The following ATP2C2 variants were observed in gnomAD, a reference collection of about 807,000 sequenced individuals.
ATP2C2 encodes the protein ATPase secretory pathway Ca2+ transporting 2.
Under a neutral mutation model 110.8 loss-of-function variants are expected in ATP2C2, and 171 were observed. That is an observed-to-expected ratio of 1.54 (90% CI 1.36 to 1.75). The LOEUF is 1.75. Ranked by LOEUF, ATP2C2 falls within the 40% of genes most tolerant of loss-of-function variation. The pLI, the probability that ATP2C2 is intolerant of heterozygous loss-of-function variation, is 0.00. For synonymous variants in ATP2C2, 804 were observed against 508.4 expected (o/e 1.58, Z -7.82); for missense variants, 1,963 against 1,235.0 (o/e 1.59, Z -8.84).
intron 23 of ATP2C2, 37 bp downstream of exon 23, chr16:84,459,423 A>G (rs539058401): frequency 1.2e-6 from 2 of 1,608,674 alleles, no homozygotes; most frequent in Admixed American, 1.7e-5. Flanking sequence ...GTGTCTCTTT[A>G]CCCACCTGCG....
At chr16:84,425,708 A>T (rs542664075) in intron 10 of ATP2C2, 27 bp from the exon 11 acceptor site, 33 of 1,611,048 alleles carry the variant, frequency 2.0e-5, no homozygotes, top group East Asian at 1.3e-4. Context: ...GCATATGGAG[A>T]TAAGGATGTT....
chr16:84,413,281 A>G (rs995758146), intron 6 of ATP2C2, among the ~76,000 whole-genome samples: 3 of 152,252 alleles, frequency 2.0e-5, no homozygotes, highest in South Asian at 4.1e-4. Context: ...CAACTGAGCC[A>G]TGGGGCTAGG....
Position 84,463,808 on chromosome 16 carries a change from C to A in ATP2C2, c.*76C>A. The A allele has an allele frequency of 7.7e-7, 1 of 1,307,006 alleles. No homozygotes were observed. The highest frequency in any genetic ancestry group is 1.1e-6 in the Non-Finnish European group (1 of 907,576). 81.0% of individuals were successfully genotyped at this position (1,307,006 alleles called of 1,614,324 possible). On this transcript the variant is annotated 3_prime_UTR_variant, in exon 27 of 27. Transcript: ENST00000262429. ...TGTGGCCCCTGCCGTGTCTCCTCGT[C>A]AGGGGAGACTTTTAGGAGGCCGCAG...
intron 1 of ATP2C2, among the ~76,000 whole-genome samples, chr16:84,373,616 G>A (rs978176760): frequency 6.6e-6 from 1 of 152,184 alleles, no homozygotes; most frequent in African/African-American, 2.4e-5. Flanking sequence ...TCTAGGTCCA[G>A]TCTACACTCA....
intron 7 of ATP2C2, among the ~76,000 whole-genome samples, 158 bp downstream of exon 7, chr16:84,415,749 G>A (rs1038510875): frequency 3.3e-5 from 5 of 152,310 alleles, no homozygotes; most frequent in East Asian, 1.9e-4. Flanking sequence ...GCAGACAAGC[G>A]TGTTCTACGC....
intron 24 of ATP2C2, chr16:84,461,089 CCT>C (rs770187903): frequency 4.5e-5 from 19 of 422,164 alleles, no homozygotes; most frequent in Non-Finnish European, 7.6e-5. Flanking sequence ...CAGGCTGCCC[CCT>C]GTTCCCTTGT....
intron 2 of ATP2C2, among the ~76,000 whole-genome samples, chr16:84,403,565 C>G (rs1269985887): frequency 6.6e-6 from 1 of 152,194 alleles, no homozygotes; most frequent in African/African-American, 2.4e-5. Flanking sequence ...ACCTCAACCT[C>G]CTGAAGTTTT....
intron 1 of ATP2C2, among the ~76,000 whole-genome samples, chr16:84,379,192 T>G (rs1375439055): frequency 6.7e-6 from 1 of 148,994 alleles, no homozygotes; most frequent in South Asian, 2.3e-4. Context: ...GTCGTTTCCT[T>G]TCCTTTCCTG....
At chr16:84,383,402 A>G (rs1183461071) in intron 1 of ATP2C2, among the ~76,000 whole-genome samples, 1 of 152,250 alleles carries the variant, frequency 6.6e-6, no homozygotes, top group African/African-American at 2.4e-5. Flanking sequence ...TTGGTGAGAT[A>G]GAGGAGTGAA....
At chr16:84,433,804 A>C (rs1597827818) in intron 11 of ATP2C2, among the ~76,000 whole-genome samples, 1 of 152,290 alleles carries the variant, frequency 6.6e-6, no homozygotes, top group East Asian at 1.9e-4. Context: ...AGAAAAAGCA[A>C]AAAAGGCTTC....
chr16:84,369,093 T>C (rs889192285), intron 1 of ATP2C2, among the ~76,000 whole-genome samples: 2 of 152,202 alleles, frequency 1.3e-5, no homozygotes, highest in Non-Finnish European at 2.9e-5. Flanking sequence ...AAAACTTAAA[T>C]TGGAAAATAA....
At chr16:84,430,400 GGACACTGAGGCA>G (rs145940979) in intron 11 of ATP2C2, among the ~76,000 whole-genome samples, 55,202 of 151,796 alleles carry the variant, frequency 0.36, 10,196 homozygotes, top group Non-Finnish European at 0.39. Context: ...CAGCACTTTT[GGACACTGAGGCA>G]GACGGATCAC....
chr16:84,451,847 A>C, intron 17 of ATP2C2, 74 bp from the exon 18 acceptor site: 1 of 1,428,192 alleles, frequency 7.0e-7, no homozygotes, highest in African/African-American at 1.4e-5. Context: ...AAAAAACAAC[A>C]ACAACAACCA....
intron 1 of ATP2C2, among the ~76,000 whole-genome samples, chr16:84,379,175 C>A (rs376560281): frequency 2.0e-5 from 3 of 151,080 alleles, no homozygotes; most frequent in Non-Finnish European, 4.4e-5. Context: ...CTACCCTCCC[C>A]TCTCCTGTCG....
chr16:84,444,586 T>G (rs1909575699), intron 15 of ATP2C2, among the ~76,000 whole-genome samples: 2 of 152,218 alleles, frequency 1.3e-5, no homozygotes, highest in Non-Finnish European at 2.9e-5. Flanking sequence ...TTTAAAATAG[T>G]GCTGAGTCTG....
Position 84,454,901 on chromosome 16 carries a change from G to T in ATP2C2, c.2064G>T (p.Gly688=). ...TGGCCCTGAAGTCTGCAGACATTGG[G>T]ATCGCCATGGGGCAGACAGGGACGG... ...DAVALKSADI[G]IAMGQTGTDV... is the part of the protein sequence containing the mutation. Residue 688 remains glycine (G), a synonymous_variant, in exon 21 of 27, where the codon GGG becomes GGT. Coordinates refer to ENST00000262429, the MANE Select transcript of ATP2C2 (RefSeq NM_014861.4). The T allele has an allele frequency of 6.2e-7, 1 of 1,614,068 alleles. No homozygotes were observed. Among genetic ancestry groups the T allele is most frequent in the Non-Finnish European group, 8.5e-7 (1 of 1,179,992 alleles).
At chr16:84,405,765 T>C (rs531048859) in intron 3 of ATP2C2, among the ~76,000 whole-genome samples, 1 of 152,128 alleles carries the variant, frequency 6.6e-6, no homozygotes, top group Non-Finnish European at 1.5e-5. Flanking sequence ...TCTAAAAATA[T>C]AAAAATTAGC....
chr16:84,459,126 A>G lies in ATP2C2; in HGVS notation c.2154A>G (p.Ala718=). The stretch of plus-strand genomic sequence containing the variant: ...TGGCTCTCTTCTCTTGCAGGAATGC[A>G]GTGGAGGAAGGCAAGGGTATTTTTT... ...VDDDFSAIMN[A]VEEGKGIFYN... is the part of the protein sequence containing the mutation. Residue 718 remains alanine, a synonymous_variant, in exon 22 of 27, where the codon GCA becomes GCG. Coordinates refer to ENST00000262429, the MANE Select transcript of ATP2C2 (RefSeq NM_014861.4). The G allele has an allele frequency of 1.2e-6, 2 of 1,614,120 alleles. No individual in the cohort carries two copies. Among genetic ancestry groups the G allele is most frequent in the Non-Finnish European group, 1.7e-6 (2 of 1,180,012 alleles).
intron 24 of ATP2C2, chr16:84,461,369 G>C (rs993251077): frequency 2.4e-6 from 1 of 416,700 alleles, no homozygotes; most frequent in Non-Finnish European, 4.4e-6. Context: ...TACTACTGAC[G>C]GCCATCCTTC....
Sources: gnomAD v4.1 joint callset for allele counts (sites outside exome capture counted in the v4.1 genomes callset) on GRCh38, gnomAD v4.1.1 for gene constraint, MANE v1.5 for transcripts, NCBI Gene and HGNC (gene_info 2026-07-23, HGNC 2026-07-21) for gene names.